Variants in HDAC4 observed in about 807,000 individuals in gnomAD.
The protein encoded by HDAC4 is histone deacetylase A.
In HDAC4, 16 loss-of-function variants were observed where a neutral mutation model predicts 135.1. The observed-to-expected ratio is 0.12, with a 90% CI of 0.08 to 0.18. HDAC4 has a LOEUF of 0.18. Ranked by LOEUF, HDAC4 falls within the 10% of genes least tolerant of loss-of-function variation. HDAC4 has a pLI of 1.00. For synonymous variants in HDAC4, 685 were observed against 653.4 expected, an observed-to-expected ratio of 1.05 and a Z score of -0.74; for missense variants, 1,143 against 1,511.8, an observed-to-expected ratio of 0.76 and a Z score of 4.05.
intron 14 of HDAC4, among the ~76,000 whole-genome samples, chr2:239,108,926 T>C (rs1469426150): frequency 6.6e-6 from 1 of 152,224 alleles, no homozygotes; most frequent in African/African-American, 2.4e-5. Context: ...CCTGGGGCTC[T>C]GCAGCAGGAA....
intron 4 of HDAC4, among the ~76,000 whole-genome samples, chr2:239,180,868 G>A (rs925061049): frequency 7.2e-5 from 11 of 152,226 alleles, no homozygotes; most frequent in African/African-American, 1.9e-4. Context: ...CCTCCAGGAC[G>A]GAGACCACAG....
rs746565361 is a variant in HDAC4, at chr2:239,081,100, G to A, written c.2745C>T (p.Ala915=). ...PPMGDAEYLA[A]FRTVVMPIAS... is the part of the protein sequence containing the mutation. ...TGTGAAGCCGGGAGGCTCACCTGAA[G>A]GCCGCCAAGTACTCAGCGTCTCCCA... Residue 915 remains alanine, a synonymous_variant, in exon 22 of 27, where the codon GCC becomes GCT. Coordinates refer to ENST00000543185, the MANE Select transcript of HDAC4 (RefSeq NM_001378414.1). 5.6e-6 allele frequency: 9 copies of A among 1,613,238 alleles called. No homozygotes were observed. In the South Asian group the frequency reaches 7.7e-5, roughly 14 times the overall value.
intron 2 of HDAC4, among the ~76,000 whole-genome samples, chr2:239,271,950 G>A (rs1213011191): frequency 6.6e-6 from 1 of 152,084 alleles, no homozygotes. Context: ...TCACAACCTG[G>A]CGCCAGATTC....
intron 22 of HDAC4, among the ~76,000 whole-genome samples, chr2:239,069,859 G>C (rs2033985896): frequency 6.6e-6 from 1 of 152,150 alleles, no homozygotes; most frequent in Non-Finnish European, 1.5e-5. Context: ...GAGCATTGCT[G>C]TTTCTTGGTA....
At chr2:239,160,886 G>A (rs1456738832) in intron 6 of HDAC4, among the ~76,000 whole-genome samples, 2 of 152,270 alleles carry the variant, frequency 1.3e-5, no homozygotes, top group Non-Finnish European at 2.9e-5. Flanking sequence ...CTGCCTGCCT[G>A]TTTTCCCACG....
At chr2:239,286,881 A>AT (rs2051168269) in intron 2 of HDAC4, among the ~76,000 whole-genome samples, 3 of 152,128 alleles carry the variant, frequency 2.0e-5, no homozygotes, top group Non-Finnish European at 4.4e-5. Context: ...AAATAGAGAC[A>AT]TTTTCAGATC....
intron 15 of HDAC4, among the ~76,000 whole-genome samples, chr2:239,106,214 G>A (rs115005465): frequency 5.9e-5 from 9 of 152,162 alleles, no homozygotes; most frequent in Non-Finnish European, 8.8e-5. Flanking sequence ...GCGGAGGAGC[G>A]GGCTGTTTCT....
At chr2:239,358,802 CACACACA>C (rs1270060850) in intron 1 of HDAC4, among the ~76,000 whole-genome samples, 2 of 152,186 alleles carry the variant, frequency 1.3e-5, no homozygotes, top group Non-Finnish European at 2.9e-5. Context: ...AATTCCGGTA[CACACACA>C]AAGTCATTTC....
intron 24 of HDAC4, among the ~76,000 whole-genome samples, chr2:239,064,142 C>T (rs1257270839): frequency 6.6e-6 from 1 of 152,254 alleles, no homozygotes; most frequent in African/African-American, 2.4e-5. Flanking sequence ...CCTGGCTTCC[C>T]TGGCCTGGAA....
At chr2:239,158,388 TTAAA>T (rs1434447591) in intron 6 of HDAC4, among the ~76,000 whole-genome samples, 22 of 152,290 alleles carry the variant, frequency 1.4e-4, no homozygotes, top group Admixed American at 1.2e-3. Flanking sequence ...AATAATAAAT[TTAAA>T]TAAATGGAAT....
At chr2:239,310,765 C>T (rs1407048874) in intron 2 of HDAC4, among the ~76,000 whole-genome samples, 1 of 152,192 alleles carries the variant, frequency 6.6e-6, no homozygotes, top group Non-Finnish European at 1.5e-5. Flanking sequence ...AGGGCAGGGT[C>T]GCTGAGTGCA....
intron 2 of HDAC4, among the ~76,000 whole-genome samples, chr2:239,290,581 G>GCACA (rs59261643): frequency 6.6e-6 from 1 of 150,646 alleles, no homozygotes; most frequent in African/African-American, 2.4e-5. Flanking sequence ...ATGGGAGTAG[G>GCACA]CACACACACA....
chr2:239,168,496 A>C (rs1333804902), intron 5 of HDAC4, among the ~76,000 whole-genome samples: 5 of 152,224 alleles, frequency 3.3e-5, no homozygotes, highest in Non-Finnish European at 7.3e-5. Context: ...AATTATTTAA[A>C]ATTAAAAGTA....
chr2:239,150,912 C>A (rs2042083162), intron 7 of HDAC4, among the ~76,000 whole-genome samples: 1 of 151,922 alleles, frequency 6.6e-6, no homozygotes, highest in Non-Finnish European at 1.5e-5. Flanking sequence ...AGCAGGAAGT[C>A]TCACCACACT....
rs1038188799 is a variant in HDAC4 at position 239,307,114 on chromosome 2, T to A, written c.22+45564A>T. On this transcript the variant is annotated intron_variant, in intron 2 of 26. Coordinates refer to ENST00000543185, the MANE Select transcript of HDAC4 (RefSeq NM_001378414.1). The surrounding 1 kb of genome is among the most constrained non-coding windows in gnomAD (Gnocchi z 4.8). Reference sequence around the variant, plus strand: ...GGATGGCCCATCTCAGGCCACACCCTCCAGCTCTGTGCCTGCCGTCCATCC... The same window carrying A: ...GGATGGCCCATCTCAGGCCACACCCACCAGCTCTGTGCCTGCCGTCCATCC... 2.0e-5 allele frequency among the ~76,000 whole-genome samples: 3 copies of A among 151,884 alleles called. No individual in the cohort carries two copies. The highest frequency in any genetic ancestry group is 2.0e-4 in the Admixed American group (3 of 15,268).
chr2:239,094,797 C>T lies in HDAC4; in HGVS notation c.2280+213G>A, dbSNP rs963586275. On this transcript the variant is annotated intron_variant, in intron 17 of 26. Coordinates refer to ENST00000543185, the MANE Select transcript of HDAC4 (RefSeq NM_001378414.1). ...TGCACCCCAGAGCCCCAGCCACCTG[C>T]GCCAGACAACCTTCCCCAGAGAAAG... 7.6e-5 allele frequency: 108 copies of T among 1,427,374 alleles called. No individual in the cohort carries two copies. In the African/African-American group the frequency reaches 1.3e-3, roughly 17 times the overall value. The allele number at this position is 1,427,374 out of a possible 1,614,324, so 88.4% of individuals were successfully genotyped here. A position where few individuals can be genotyped will look rare whatever the true frequency, so the allele number is the denominator to read the frequency against.
At chr2:239,339,376 A>G (rs1692152860) in intron 2 of HDAC4, among the ~76,000 whole-genome samples, 1 of 152,206 alleles carries the variant, frequency 6.6e-6, no homozygotes. Context: ...AAGCAACCTC[A>G]GCCCCAGGAG....
At chr2:239,227,726 T>TGAGC (rs2047322357) in intron 3 of HDAC4, among the ~76,000 whole-genome samples, 1 of 152,012 alleles carries the variant, frequency 6.6e-6, no homozygotes, top group Admixed American at 6.5e-5. Context: ...CCCGGTGAAA[T>TGAGC]GAGCAAGCAA....
At chr2:239,383,522 C>T (rs544048907) in intron 1 of HDAC4, among the ~76,000 whole-genome samples, 21 of 152,128 alleles carry the variant, frequency 1.4e-4, no homozygotes, top group African/African-American at 3.1e-4. Context: ...CTCCTCTGAG[C>T]GCCACAGAGA....
Sources: allele counts gnomAD v4.1 joint callset (sites outside exome capture counted in the v4.1 genomes callset), GRCh38; gene constraint gnomAD v4.1.1; non-coding constraint Gnocchi (gnomAD v3.1); transcripts MANE v1.5; gene names NCBI Gene and HGNC (gene_info 2026-07-23, HGNC 2026-07-21).